Variants in ST8SIA6 observed in about 807,000 individuals in gnomAD.
The protein encoded by ST8SIA6 is ST8 alpha-N-acetyl-neuraminide alpha-2,8-sialyltransferase 6, also known as alpha-2,8-sialyltransferase 8F.
ST8SIA6 carries 39 observed loss-of-function variants against 33.6 expected under a neutral mutation model. The observed-to-expected ratio is 1.16, with a 90% confidence interval of 0.90 to 1.52. The LOEUF (loss-of-function observed/expected upper bound fraction) is 1.52, where lower values mean the gene tolerates loss of function less well. Among genes scored for constraint, ST8SIA6 ranks in the 40% most tolerant of loss-of-function variants. The probability of loss-of-function intolerance (pLI) is 0.00; values close to 1 mark genes in which losing one functional copy is unlikely to be tolerated. For missense variants in ST8SIA6, 441 were observed against 443.8 expected (o/e 0.99, Z 0.06); for synonymous variants, 172 against 167.2 (o/e 1.03, Z -0.22).
intron 3 of ST8SIA6, among the ~76,000 whole-genome samples, chr10:17,374,477 C>G (rs1394538841): frequency 4.6e-5 from 7 of 151,644 alleles, no homozygotes; most frequent in African/African-American, 1.7e-4. Context: ...CCTCCCAGCA[C>G]TTTGGGAGGC....
intron 6 of ST8SIA6, among the ~76,000 whole-genome samples, chr10:17,324,516 C>T (rs1848058930): frequency 6.6e-6 from 1 of 151,786 alleles, no homozygotes; most frequent in Non-Finnish European, 1.5e-5. Context: ...TCTGAATAAT[C>T]AAAAGTGATT....
At position 17,390,565 on chromosome 10, in the gene ST8SIA6, A is replaced by C. The variant is rs921582978; in HGVS notation, c.256T>G (p.Tyr86Asp). The C allele has an allele frequency of 3.7e-6, 6 of 1,613,958 alleles. No homozygotes were observed. The part of the protein sequence containing the change: ...QLTEKCKNLQ[Y>D]GIESFSNKTK... ...TTGTTAGAGAAAGACTCAATGCCAT[A>C]TTGCAGATTTTTGCATTTCTCCGTC... The change falls in exon 3 of 8, where the codon TAT becomes GAT. Residue 86 changes from tyrosine (Y) to aspartate (D), a missense_variant. Transcript: ENST00000377602.
At position 17,407,047 on chromosome 10, in the gene ST8SIA6, C is replaced by T. The variant is rs1034518494; in HGVS notation, c.201-16427G>A. ...CCTCAGGTGATCTGCCTGCCTTGGC[C>T]TCTCAAAGTGTTGGCATTACAGGTG... On this transcript the variant is annotated intron_variant, in intron 2 of 7. Coordinates refer to ENST00000377602, the MANE Select transcript of ST8SIA6 (RefSeq NM_001004470.3). 2.0e-5 allele frequency among the ~76,000 whole-genome samples: 3 copies of T among 152,208 alleles called. No individual in the cohort carries two copies. The South Asian group carries it at 6.2e-4, about 32-fold the overall frequency.
At chr10:17,405,677 T>C (rs1159784186) in intron 2 of ST8SIA6, among the ~76,000 whole-genome samples, 3 of 148,034 alleles carry the variant, frequency 2.0e-5, no homozygotes, top group African/African-American at 7.5e-5. Context: ...AGGTCAGGAG[T>C]TCAAGACCAG....
In ST8SIA6 at chr10:17,318,049, G is replaced by T. The variant is rs190033765; in HGVS notation, c.*2829C>A. On this transcript the variant is annotated 3_prime_UTR_variant, in exon 8 of 8. Transcript: ENST00000377602. Reference sequence around the variant, plus strand: ...ACTATATACTTAAATGAATATTTCTGCCTTGCCTTTGGATTTGGCTGAAAA... The same window carrying T: ...ACTATATACTTAAATGAATATTTCTTCCTTGCCTTTGGATTTGGCTGAAAA... Among the ~76,000 whole-genome samples, 2 of 152,248 alleles carry T rather than the reference G, an allele frequency of 1.3e-5. No homozygotes were observed. The highest frequency in any genetic ancestry group is 3.9e-4 in the East Asian group (2 of 5,186).
At chr10:17,433,706 A>G (rs932185360) in intron 2 of ST8SIA6, among the ~76,000 whole-genome samples, 1 of 152,158 alleles carries the variant, frequency 6.6e-6, no homozygotes, top group African/African-American at 2.4e-5. Flanking sequence ...GCTCTGCCTC[A>G]CTGTAGCCCC....
intron 3 of ST8SIA6, among the ~76,000 whole-genome samples, chr10:17,370,591 T>A (rs1849700695): frequency 6.6e-6 from 1 of 152,198 alleles, no homozygotes; most frequent in Non-Finnish European, 1.5e-5. Context: ...GGAATATTAT[T>A]CCTACATAGC....
chr10:17,409,391 C>G (rs1851372694), intron 2 of ST8SIA6: 4 of 152,440 alleles, frequency 2.6e-5, no homozygotes, highest in Admixed American at 2.0e-4. Context: ...AAGAACAAAA[C>G]AAGGCAAAAC....
chr10:17,329,726 A>C (rs1848237967), intron 5 of ST8SIA6, among the ~76,000 whole-genome samples: 2 of 152,226 alleles, frequency 1.3e-5, no homozygotes, highest in South Asian at 4.1e-4. Flanking sequence ...TGGGAGGAAA[A>C]CATCTATATG....
intron 4 of ST8SIA6, among the ~76,000 whole-genome samples, chr10:17,337,020 C>T (rs907100098): frequency 3.9e-5 from 6 of 152,084 alleles, no homozygotes; most frequent in South Asian, 2.1e-4. Flanking sequence ...ATTGTAATCC[C>T]GTGTTGGAGG....
chr10:17,405,123 A>C (rs1851207541), intron 2 of ST8SIA6, among the ~76,000 whole-genome samples: 1 of 152,146 alleles, frequency 6.6e-6, no homozygotes, highest in Non-Finnish European at 1.5e-5. Context: ...CAGTTTTCTC[A>C]CTGATAATTT....
intron 2 of ST8SIA6, among the ~76,000 whole-genome samples, chr10:17,401,012 A>T: frequency 6.6e-6 from 1 of 152,214 alleles, no homozygotes; most frequent in Non-Finnish European, 1.5e-5. Flanking sequence ...AGATGACACG[A>T]TTGTATATCT....
rs201618107 is a variant in ST8SIA6, at chr10:17,358,740, AAGG to A, written c.377+771_377+773del. ...AAGAAAGAAGAAGAGGAAGAGGAAA[AAGG>A]AGGAGGAGGAGGAAAGAAGAAGAGA... On this transcript the variant is annotated intron_variant, in intron 4 of 7. Coordinates refer to ENST00000377602, the MANE Select transcript of ST8SIA6 (RefSeq NM_001004470.3). 6.5e-3 allele frequency among the ~76,000 whole-genome samples: 703 copies of A among 108,800 alleles called. 13 individuals are homozygous for A. Among genetic ancestry groups the A allele is most frequent in the African/African-American group, 0.021 (592 of 27,538 alleles). The allele number at this position is 108,800 out of a possible 152,430, so 71.4% of individuals were successfully genotyped here. A position where few individuals can be genotyped will look rare whatever the true frequency, so the allele number is the denominator to read the frequency against.
intron 2 of ST8SIA6, among the ~76,000 whole-genome samples, chr10:17,390,903 G>T (rs1329912082): frequency 3.3e-5 from 5 of 150,258 alleles, no homozygotes; most frequent in African/African-American, 1.2e-4. Flanking sequence ...TTGTTGCCCA[G>T]GCTGGCGTGC....
intron 2 of ST8SIA6, among the ~76,000 whole-genome samples, chr10:17,430,666 G>T (rs11254593): frequency 0.041 from 6,235 of 152,092 alleles, 214 homozygotes; most frequent in Non-Finnish European, 0.062. Flanking sequence ...TCCTATGTTT[G>T]TTGGCCATTT....
chr10:17,438,831 C>G (rs1481540158), intron 2 of ST8SIA6, among the ~76,000 whole-genome samples: 1 of 152,220 alleles, frequency 6.6e-6, no homozygotes, highest in African/African-American at 2.4e-5. Flanking sequence ...AAAGGAAAGG[C>G]AAACTCTCAT....
At chr10:17,354,567 C>A (rs555878875) in intron 4 of ST8SIA6, among the ~76,000 whole-genome samples, 117 of 152,298 alleles carry the variant, frequency 7.7e-4, no homozygotes, top group African/African-American at 2.6e-3. Flanking sequence ...TTACTTAAAT[C>A]TCTCTTTAAC....
chr10:17,387,441 G>T (rs1407947413), intron 3 of ST8SIA6, among the ~76,000 whole-genome samples: 4 of 125,954 alleles, frequency 3.2e-5, no homozygotes, highest in African/African-American at 1.2e-4. Context: ...AGTCGGGGCG[G>T]TGGGGCGGGG....
intron 6 of ST8SIA6, among the ~76,000 whole-genome samples, chr10:17,323,810 T>A (rs139833811): frequency 6.6e-6 from 1 of 152,184 alleles, no homozygotes; most frequent in African/African-American, 2.4e-5. Flanking sequence ...AAAATTGTTA[T>A]TTATATTATT....
Sources: allele counts gnomAD v4.1 joint callset (sites outside exome capture counted in the v4.1 genomes callset), GRCh38; gene constraint gnomAD v4.1.1; transcripts MANE v1.5; gene names NCBI Gene and HGNC (gene_info 2026-07-23, HGNC 2026-07-21).